The following RBM44 variants were observed in gnomAD, a reference collection of about 807,000 sequenced individuals.
The protein encoded by RBM44 is RNA binding motif protein 44, also known as RNA-binding protein 44.
RBM44 carries 66 observed loss-of-function variants against 105.1 expected under a neutral mutation model. The ratio of observed to expected loss-of-function variants is 0.63; its 90% CI spans 0.52 to 0.77. RBM44 has a LOEUF of 0.77. Among genes scored for constraint, RBM44 ranks in the 30% least tolerant of loss-of-function variants. The probability of loss-of-function intolerance (pLI) is 0.00; values close to 1 mark genes in which losing one functional copy is unlikely to be tolerated. For synonymous variants in RBM44, 365 were observed against 417.6 expected, an observed-to-expected ratio of 0.87 and a Z score of 1.54; for missense variants, 1,122 against 1,207.8, an observed-to-expected ratio of 0.93 and a Z score of 1.05.
At position 237,820,724 on chromosome 2, in the gene RBM44, A is replaced by G. The variant is rs1309628055; in HGVS notation, c.1914-347A>G. On this transcript the variant is annotated intron_variant, in intron 5 of 15. Coordinates refer to ENST00000316997, the MANE Select transcript of RBM44 (RefSeq NM_001080504.3). ...ATTTTTTTCTTTTACTCAGCATTTA[A>G]AAGAAAATATTTAGAGTTCTAGTAA... 2.6e-5 allele frequency: 6 copies of G among 234,750 alleles called. No homozygotes were observed. In the Admixed American group the frequency reaches 3.3e-4, roughly 13 times the overall value. The allele number at this position is 234,750 out of a possible 1,614,324, so 14.5% of individuals were successfully genotyped here.
chr2:237,820,389 G>T (rs865842043), intron 5 of RBM44, 38 bp downstream of exon 5: 2 of 1,267,612 alleles, frequency 1.6e-6, no homozygotes, highest in South Asian at 1.4e-5. Flanking sequence ...TCTTAGAAAT[G>T]TGTCACTAGC....
At chr2:237,840,827 TATCACTA>T (rs2062005208) in intron 15 of RBM44, among the ~76,000 whole-genome samples, 1 of 152,148 alleles carries the variant, frequency 6.6e-6, no homozygotes, top group Non-Finnish European at 1.5e-5. Flanking sequence ...AAATGCTCAG[TATCACTA>T]ATCATTGGAG....
At position 237,818,543 on chromosome 2, in the gene RBM44, G is replaced by A. The variant is rs2061747893; in HGVS notation, c.1624G>A (p.Gly542Arg). 1 of 1,595,264 alleles carries A rather than the reference G, an allele frequency of 6.3e-7. No individual in the cohort carries two copies. The change falls in exon 3 of 16, where the codon GGA (glycine) becomes AGA (arginine). Residue 542 changes from glycine (G) to arginine (R), a missense_variant. By Grantham distance (125) the Gly-to-Arg change is moderately radical. Around this residue, in one of 3 missense-constraint regions of RBM44, gnomAD observed 918 missense variants for 955.3 expected, o/e 0.96. Coordinates refer to ENST00000316997, the MANE Select transcript of RBM44 (RefSeq NM_001080504.3). The surrounding 1 kb of genome is among the most constrained non-coding windows in gnomAD (Gnocchi z 4.6). ...ACAGATGGCTATAACAAAAGGATCA[G>A]GAAAATCTCTCTCCGTTGACAGTTT... Reference protein sequence around the residue: ...DTQMAITKGSGKSLSVDSLKP... With the variant: ...DTQMAITKGSRKSLSVDSLKP...
intron 12 of RBM44, 142 bp from the exon 13 acceptor site, chr2:237,829,075 C>G (rs1177288330): frequency 1.8e-6 from 1 of 557,014 alleles, no homozygotes; most frequent in Non-Finnish European, 3.1e-6. Flanking sequence ...TCTTCTTAAT[C>G]CCAAGGTAAG....
chr2:237,808,126 G>A (rs1332463088), intron 1 of RBM44, among the ~76,000 whole-genome samples: 1 of 152,060 alleles, frequency 6.6e-6, no homozygotes, highest in Non-Finnish European at 1.5e-5. Context: ...AACAGCCAAT[G>A]TTAAAAGTTT....
At chr2:237,831,809 T>A (rs2061905828) in intron 13 of RBM44, among the ~76,000 whole-genome samples, 1 of 152,206 alleles carries the variant, frequency 6.6e-6, no homozygotes, top group Non-Finnish European at 1.5e-5. Context: ...AAACTTTTCC[T>A]TTCATCTCAG....
Position 237,817,921 on chromosome 2 carries a change from A to G in RBM44, c.1002A>G (p.Gln334=), listed in dbSNP as rs764718019. 8.1e-6 allele frequency: 13 copies of G among 1,598,682 alleles called. No individual in the cohort carries two copies. The highest frequency in any genetic ancestry group is 6.7e-5 in the East Asian group (3 of 44,776). ...MKIYTENMKS[Q]INEGKDFCGN... is the part of the protein sequence containing the mutation. ...TTTATACTGAAAACATGAAATCTCA[A>G]ATAAATGAAGGTAAAGATTTTTGTG... Residue 334 remains glutamine, a synonymous_variant, in exon 3 of 16, where the codon CAA becomes CAG. Coordinates refer to ENST00000316997, the MANE Select transcript of RBM44 (RefSeq NM_001080504.3).
intron 1 of RBM44, among the ~76,000 whole-genome samples, chr2:237,802,047 G>C (rs988945304): frequency 2.6e-5 from 4 of 151,874 alleles, no homozygotes; most frequent in African/African-American, 9.7e-5. Flanking sequence ...ATATATTTTT[G>C]AGCATGTTAC....
rs1224383430 is a variant in RBM44, at chr2:237,817,766, G to C, written c.847G>C (p.Glu283Gln). ...TGACCTAAAGCATGAAAAGTATAAG[G>C]AACAAGAGACTAATTCAATGTACCA... ...YHDLKHEKYK[E>Q]QETNSMYHTV... Residue 283 changes from glutamate (E) to glutamine (Q), a missense_variant, in exon 3 of 16, where the codon GAA (glutamate) becomes CAA (glutamine). Transcript: ENST00000316997. 5.0e-6 allele frequency: 8 copies of C among 1,611,598 alleles called. No homozygotes were observed. The highest frequency in any genetic ancestry group is 1.3e-5 in the African/African-American group (1 of 74,718).
chr2:237,810,265 C>G (rs2061643380), intron 1 of RBM44, among the ~76,000 whole-genome samples: 1 of 152,224 alleles, frequency 6.6e-6, no homozygotes, highest in Non-Finnish European at 1.5e-5. Flanking sequence ...TTGCTGATCT[C>G]CAGACCTCTA....
chr2:237,824,521 T>C, intron 10 of RBM44, 102 bp downstream of exon 10: 1 of 881,520 alleles, frequency 1.1e-6, no homozygotes, highest in Non-Finnish European at 1.6e-6. Flanking sequence ...TGTTTTAATA[T>C]TTTATTCCTG....
chr2:237,834,986 C>T (rs1210399745), intron 15 of RBM44: 2 of 152,236 alleles, frequency 1.3e-5, no homozygotes, highest in East Asian at 3.8e-4. Flanking sequence ...TTTGTGGCAA[C>T]CCTGCATCAA....
chr2:237,825,599 AT>A (rs1218057041), intron 10 of RBM44, among the ~76,000 whole-genome samples: 3 of 152,166 alleles, frequency 2.0e-5, no homozygotes, highest in Non-Finnish European at 1.5e-5. Context: ...TACTTGATAT[AT>A]TGACTGCCTT....
chr2:237,842,579 A>T lies in RBM44; in HGVS notation c.*763A>T, dbSNP rs899701005. The T allele has an allele frequency of 6.6e-6, 1 of 152,110 alleles. No homozygotes were observed. The highest frequency in any genetic ancestry group is 2.4e-5 in the African/African-American group (1 of 41,448). The allele number at this position is 152,110 out of a possible 1,614,324, so 9.4% of individuals were successfully genotyped here. A position where few individuals can be genotyped will look rare whatever the true frequency, so the allele number is the denominator to read the frequency against. On this transcript the variant is annotated 3_prime_UTR_variant, in exon 16 of 16. Coordinates refer to ENST00000316997, the MANE Select transcript of RBM44 (RefSeq NM_001080504.3). ...AAAGGCTGATTTTATGCCTTATCTGATAGAAATATAGAATAGATAGTTCTT... is the reference window on the plus strand; with the variant it reads ...AAAGGCTGATTTTATGCCTTATCTGTTAGAAATATAGAATAGATAGTTCTT...
chr2:237,829,722 C>T (rs764497397), intron 13 of RBM44, among the ~76,000 whole-genome samples: 2 of 152,154 alleles, frequency 1.3e-5, no homozygotes, highest in African/African-American at 2.4e-5. Flanking sequence ...ACGAAAAACT[C>T]GTTTTAACTA....
chr2:237,823,322 C>T, intron 8 of RBM44, 118 bp from the exon 9 acceptor site: 1 of 545,626 alleles, frequency 1.8e-6, no homozygotes, highest in Non-Finnish European at 3.3e-6. Flanking sequence ...TAATGTTTTC[C>T]TTTCAGAGCC....
intron 1 of RBM44, among the ~76,000 whole-genome samples, chr2:237,809,624 C>T (rs2061636332): frequency 6.6e-6 from 1 of 152,172 alleles, no homozygotes; most frequent in Non-Finnish European, 1.5e-5. Flanking sequence ...TCTTGAGTCT[C>T]TTCTCTGCCT....
At chr2:237,830,774 A>G (rs2061895569) in intron 13 of RBM44, among the ~76,000 whole-genome samples, 1 of 152,148 alleles carries the variant, frequency 6.6e-6, no homozygotes, top group African/African-American at 2.4e-5. Flanking sequence ...CTTTCTACCC[A>G]TAGTACACTG....
chr2:237,807,011 G>A (rs1398926388), intron 1 of RBM44, among the ~76,000 whole-genome samples: 14 of 152,012 alleles, frequency 9.2e-5, no homozygotes, highest in Admixed American at 4.6e-4. Flanking sequence ...GTAGCTAAAC[G>A]TATCATTTTA....
Sources: gnomAD v4.1 joint callset for allele counts (sites outside exome capture counted in the v4.1 genomes callset) on GRCh38, gnomAD v4.1.1 for gene constraint, gnomAD v4.1.1 regional missense constraint, Gnocchi (gnomAD v3.1) non-coding constraint, MANE v1.5 for transcripts, NCBI Gene and HGNC (gene_info 2026-07-23, HGNC 2026-07-21) for gene names.